TTC6: variants seen among roughly 807,000 people sequenced by gnomAD.
TTC6 encodes the protein tetratricopeptide repeat domain 6.
In TTC6, 172 loss-of-function variants were observed where a neutral mutation model predicts 210.4. That is an observed-to-expected ratio of 0.82 (90% CI 0.72 to 0.93). The LOEUF is 0.93. TTC6 is among the 40% of genes least tolerant of loss of function. The pLI is 0.00. For synonymous variants in TTC6, 804 were observed against 819.6 expected (o/e 0.98, Z 0.32); for missense variants, 2,414 against 2,318.1 (o/e 1.04, Z -0.85).
At chr14:37,622,681 G>A in exon 1 of TTC6, 4 of 1,535,170 alleles carry the variant, frequency 2.6e-6, no homozygotes, top group East Asian at 2.4e-5. Flanking sequence ...AGGAAGGCCA[G>A]CTCCGTCTCC....
intron 24 of TTC6, among the ~76,000 whole-genome samples, chr14:37,811,766 T>C (rs2096130087): frequency 6.6e-6 from 1 of 152,230 alleles, no homozygotes; most frequent in African/African-American, 2.4e-5. Flanking sequence ...TTGAGATAGC[T>C]TTCCTACAAG....
In TTC6 at chr14:37,612,257, G is replaced by A. The variant is rs778003615; in HGVS notation, c.-155+5515G>A. Among the ~76,000 whole-genome samples the A allele has an allele frequency of 1.1e-4, 16 of 152,184 alleles. No individual in the cohort carries two copies. In the Middle Eastern group the frequency reaches 0.01, roughly 97 times the overall value. The stretch of plus-strand genomic sequence containing the variant: ...TAGCCCACACCATGTAACCAATCAC[G>A]GATCTGCTGTGTGACACTATAGAAG... On this transcript the variant is annotated intron_variant, in intron 2 of 2. Transcript: ENST00000556845.
chr14:37,727,713 T>C (rs1322117162), intron 7 of TTC6, among the ~76,000 whole-genome samples: 1 of 150,658 alleles, frequency 6.6e-6, no homozygotes, highest in Non-Finnish European at 1.5e-5. Flanking sequence ...CCTTTTCATT[T>C]GCAGTGTCTT....
intron 29 of TTC6, among the ~76,000 whole-genome samples, chr14:37,840,359 A>G (rs1240823709): frequency 6.6e-6 from 1 of 152,104 alleles, no homozygotes; most frequent in Non-Finnish European, 1.5e-5. Flanking sequence ...TAGCCTACCA[A>G]CCAAAAAAAA....
chr14:37,838,277 A>G (rs1194885977), intron 29 of TTC6, among the ~76,000 whole-genome samples: 1 of 152,210 alleles, frequency 6.6e-6, no homozygotes, highest in African/African-American at 2.4e-5. Flanking sequence ...AAATAAATAT[A>G]CATTGCTAAA....
chr14:37,725,342 ATATATATATATATATAAT>A (rs2095870493), intron 7 of TTC6, among the ~76,000 whole-genome samples: 1 of 103,036 alleles, frequency 9.7e-6, no homozygotes, highest in African/African-American at 3.4e-5. Context: ...ATATATATAT[ATATATATATATATATAAT>A]TTTTTTTGAG....
At chr14:37,618,753 T>C (rs183441826), upstream of TTC6, among the ~76,000 whole-genome samples, 9 of 152,300 alleles carry the variant, frequency 5.9e-5, no homozygotes, top group Admixed American at 3.3e-4. Context: ...CCTGTTGGTT[T>C]AATTTTAGAT....
At chr14:37,649,278 C>T (rs928196620) in intron 1 of TTC6, among the ~76,000 whole-genome samples, 2 of 152,152 alleles carry the variant, frequency 1.3e-5, no homozygotes, top group African/African-American at 4.8e-5. Flanking sequence ...TGTTTCTTCT[C>T]TGGGATCTTA....
intron 14 of TTC6, among the ~76,000 whole-genome samples, chr14:37,766,054 A>T (rs1194309462): frequency 6.6e-6 from 1 of 152,100 alleles, no homozygotes; most frequent in African/African-American, 2.4e-5. Flanking sequence ...CTTTGAGTTC[A>T]TCCTGATTGG....
chr14:37,607,554 T>C (rs2095627325), intron 2 of TTC6, among the ~76,000 whole-genome samples: 2 of 152,338 alleles, frequency 1.3e-5, no homozygotes, highest in South Asian at 2.1e-4. Flanking sequence ...TTTTGCATAC[T>C]TCTATGTAGG....
intron 3 of TTC6, among the ~76,000 whole-genome samples, chr14:37,687,815 C>T (rs1434054616): frequency 6.6e-6 from 1 of 152,116 alleles, no homozygotes; most frequent in African/African-American, 2.4e-5. Context: ...CAGTTGAGGG[C>T]CTTGGGTGAG....
At chr14:37,760,903 T>TG (rs2095982416) in intron 14 of TTC6, among the ~76,000 whole-genome samples, 1 of 152,186 alleles carries the variant, frequency 6.6e-6, no homozygotes, top group South Asian at 2.1e-4. Context: ...TTCAGACTGT[T>TG]GCCCTGGCAG....
chr14:37,682,530 G>A (rs1404427865), intron 2 of TTC6, among the ~76,000 whole-genome samples: 1 of 152,176 alleles, frequency 6.6e-6, no homozygotes, highest in Non-Finnish European at 1.5e-5. Flanking sequence ...TGGGGTGGCT[G>A]TAGTTTCTGA....
intron 2 of TTC6, among the ~76,000 whole-genome samples, chr14:37,615,019 T>A (rs909933584): frequency 6.6e-6 from 1 of 152,156 alleles, no homozygotes; most frequent in Non-Finnish European, 1.5e-5. Context: ...AGTGCTGGGA[T>A]TACAGGCATG....
intron 2 of TTC6, among the ~76,000 whole-genome samples, chr14:37,616,644 C>T (rs141320870): frequency 2.8e-4 from 42 of 150,522 alleles, no homozygotes; most frequent in South Asian, 2.7e-3. Context: ...TTGCGGTGAG[C>T]GAAGATCGCG....
intron 1 of TTC6, among the ~76,000 whole-genome samples, chr14:37,604,480 G>A (rs2095621530): frequency 6.6e-6 from 1 of 152,108 alleles, no homozygotes; most frequent in Admixed American, 6.5e-5. Flanking sequence ...GAGGGAGGAT[G>A]CCTCCCCAAG....
At chr14:37,728,295 G>GT (rs2095877831) in intron 7 of TTC6, among the ~76,000 whole-genome samples, 1 of 151,946 alleles carries the variant, frequency 6.6e-6, no homozygotes, top group Non-Finnish European at 1.5e-5. Flanking sequence ...TTTTCCATGT[G>GT]TTAGCCGGGC....
chr14:37,727,439 G>A (rs1044370312), intron 7 of TTC6, among the ~76,000 whole-genome samples: 13 of 151,194 alleles, frequency 8.6e-5, no homozygotes, highest in African/African-American at 2.2e-4. Context: ...GACTACAGGC[G>A]CACACCACCA....
chr14:37,600,989 C>G (rs907242398), intron 1 of TTC6, among the ~76,000 whole-genome samples: 2 of 152,228 alleles, frequency 1.3e-5, no homozygotes, highest in African/African-American at 4.8e-5. Context: ...TATGAAGCAG[C>G]CTCCTTGGCA....
Sources: gnomAD v4.1 joint callset for allele counts (sites outside exome capture counted in the v4.1 genomes callset) on GRCh38, gnomAD v4.1.1 for gene constraint, MANE v1.5 for transcripts, NCBI Gene and HGNC (gene_info 2026-07-23, HGNC 2026-07-21) for gene names.